BSN: variants seen among roughly 807,000 people sequenced by gnomAD.
BSN encodes the protein protein bassoon.
Under a neutral mutation model 264.8 loss-of-function variants are expected in BSN, and 57 were observed. The ratio of observed to expected loss-of-function variants is 0.22; its 90% CI spans 0.17 to 0.27. BSN has a LOEUF of 0.27. Among genes scored for constraint, BSN ranks in the 10% least tolerant of loss-of-function variants. The probability of loss-of-function intolerance (pLI) is 1.00; values close to 1 mark genes in which losing one functional copy is unlikely to be tolerated. For synonymous variants in BSN, 2,059 were observed against 2,137.3 expected (o/e 0.96, Z 1.01); for missense variants, 4,615 against 5,232.5 (o/e 0.88, Z 3.64).
chr3:49,672,479 CTTT>C (rs371314787), downstream of BSN, among the ~76,000 whole-genome samples: 3 of 143,050 alleles, frequency 2.1e-5, no homozygotes, highest in East Asian at 6.1e-4. Flanking sequence ...AGTTGGGACT[CTTT>C]TTTTTTTTTT....
chr3:49,587,319 C>T (rs180877434), intron 1 of BSN, among the ~76,000 whole-genome samples: 15 of 152,194 alleles, frequency 9.9e-5, no homozygotes, highest in Non-Finnish European at 1.6e-4. Flanking sequence ...GTGGCATCTT[C>T]CAGTTTTTAC....
intron 5 of BSN, 139 bp downstream of exon 5, chr3:49,658,335 A>C (rs2052629075): frequency 9.4e-7 from 1 of 1,069,346 alleles, no homozygotes; most frequent in Admixed American, 3.3e-5. Context: ...GTCAATGAGC[A>C]GATGCTCCCT....
chr3:49,634,627 A>G (rs1325230563), intron 2 of BSN, among the ~76,000 whole-genome samples: 1 of 152,132 alleles, frequency 6.6e-6, no homozygotes, highest in Non-Finnish European at 1.5e-5. Flanking sequence ...CCTGACCTCA[A>G]GTGATCCACA....
At chr3:49,665,101 C>T (rs959003693) in intron 10 of BSN, 128 bp from the exon 11 acceptor site, 2 of 435,576 alleles carry the variant, frequency 4.6e-6, no homozygotes, top group African/African-American at 4.1e-5. Flanking sequence ...AAAGCCAGGG[C>T]CAGTGCCCTG....
rs778631583 is a variant in BSN, at chr3:49,657,069, C to T, written c.7513C>T (p.Leu2505Phe). ...LAQNGQYWPPLTHAAFIAMAG... is the reference protein window; with the variant it reads ...LAQNGQYWPPFTHAAFIAMAG... ...CCAGAATGGCCAGTATTGGCCCCCC[C>T]TTACACATGCAGCCTTCATTGCCAT... Residue 2505 changes from leucine (L) to phenylalanine (F), a missense_variant, in exon 5 of 12, where the codon CTT becomes TTT. Transcript: ENST00000296452. 2.5e-6 allele frequency: 4 copies of T among 1,609,626 alleles called. No homozygotes were observed. The highest frequency in any genetic ancestry group is 3.4e-6 in the Non-Finnish European group (4 of 1,177,318).
At position 49,661,126 on chromosome 3, in the gene BSN, T is replaced by G. The variant is rs776579281; in HGVS notation, c.9281T>G (p.Phe3094Cys). ...PGPSTYPAPA[F>C]PPGASYPAEP... The stretch of plus-strand genomic sequence containing the variant: ...CCCAGCACGTACCCAGCTCCTGCCT[T>G]TCCTCCTGGTGCCAGTTACCCAGCT... Residue 3094 changes from phenylalanine to cysteine, a missense_variant, in exon 6 of 12, where the codon TTT becomes TGT. Phe to Cys is a radical substitution (Grantham distance 205, BLOSUM62 -2). Coordinates refer to ENST00000296452, the MANE Select transcript of BSN (RefSeq NM_003458.4). 1 of 1,612,250 alleles carries G rather than the reference T, an allele frequency of 6.2e-7. No individual in the cohort carries two copies. The highest frequency in any genetic ancestry group is 8.5e-7 in the Non-Finnish European group (1 of 1,179,758).
In BSN at chr3:49,656,539, C is replaced by T; in HGVS notation, c.6983C>T (p.Pro2328Leu). ...AAGGAGGCTGCAGGAGCCCCAGCTC[C>T]TGCCCCACTAGCTGGCCAGAAGCCA... ...AIKEAAGAPA[P>L]APLAGQKPPA... is the part of the protein sequence containing the mutation. The change falls in exon 5 of 12, where the codon CCT (proline) becomes CTT (leucine). Residue 2328 changes from proline to leucine, a missense_variant. Physicochemically the swap from Pro to Leu is moderately conservative, Grantham distance 98. Coordinates refer to ENST00000296452, the MANE Select transcript of BSN (RefSeq NM_003458.4). The T allele has an allele frequency of 6.4e-7, 1 of 1,568,916 alleles. No homozygotes were observed. Among genetic ancestry groups the T allele is most frequent in the South Asian group, 1.2e-5 (1 of 84,948 alleles).
intron 1 of BSN, among the ~76,000 whole-genome samples, chr3:49,593,809 T>G (rs2051999387): frequency 6.8e-6 from 1 of 147,158 alleles, no homozygotes; most frequent in South Asian, 2.1e-4. Flanking sequence ...TTTTTTGTTT[T>G]TTTTTTTTTT....
chr3:49,654,510 T>C lies in BSN; in HGVS notation c.4954T>C (p.Ser1652Pro), dbSNP rs767964940. ...LCRISSVPGT[S>P]RVEPGPRTPG... is the part of the protein sequence containing the mutation. ...CCGGATCTCCTCTGTCCCTGGGACG[T>C]CTAGGGTTGAGCCAGGCCCCAGGAC... Residue 1652 changes from serine (S) to proline (P), a missense_variant, in exon 5 of 12, where the codon TCT becomes CCT. By Grantham distance (74) the Ser-to-Pro change is moderately conservative. Around this residue, in one of 3 missense-constraint regions of BSN, gnomAD observed 3,415 missense variants for 3,866.4 expected, o/e 0.88. Coordinates refer to ENST00000296452, the MANE Select transcript of BSN (RefSeq NM_003458.4). This position sits in a 1 kb window ranked among gnomAD's most constrained non-coding sequence, Gnocchi z 4.1. 1.9e-6 allele frequency: 3 copies of C among 1,611,290 alleles called. No individual in the cohort carries two copies. Among genetic ancestry groups the C allele is most frequent in the African/African-American group, 1.3e-5 (1 of 74,936 alleles).
In BSN at chr3:49,669,710, A is replaced by C. The variant is rs1001048211; in HGVS notation, c.*2225A>C. 3.3e-5 allele frequency: 5 copies of C among 152,276 alleles called. No homozygotes were observed. Among genetic ancestry groups the C allele is most frequent in the African/African-American group, 1.2e-4 (5 of 41,466 alleles). The allele number at this position is 152,276 out of a possible 1,614,324, so 9.4% of individuals were successfully genotyped here. On this transcript the variant is annotated 3_prime_UTR_variant, in exon 12 of 12. Coordinates refer to ENST00000296452, the MANE Select transcript of BSN (RefSeq NM_003458.4). ...GTGGTGAGAACAGTTGACAGTGGTC[A>C]TCTGGAACTGTTCATATAAACAGTG...
In BSN at chr3:49,662,282, G is replaced by A. The variant is rs368823399; in HGVS notation, c.10437G>A (p.Ala3479=). The A allele has an allele frequency of 9.5e-5, 154 of 1,613,934 alleles. No individual in the cohort carries two copies. The Admixed American group carries it at 1.7e-3, about 18-fold the overall frequency. ...AGGCTGTGGAGCGACTTCAAAAAGC[G>A]GGCCCCAAGCCCTCATCCCTAAGTA... ...EREAVERLQK[A]GPKPSSLSMA... Residue 3479 remains alanine, a synonymous_variant, in exon 6 of 12, where the codon GCG becomes GCA. Transcript: ENST00000296452.
chr3:49,554,883 C>T (rs2051652987), intron 1 of BSN, 57 bp downstream of exon 1: 9 of 1,061,254 alleles, frequency 8.5e-6, no homozygotes, highest in African/African-American at 3.3e-5. Flanking sequence ...GGCCGGGACC[C>T]GGGCCCAGGA....
At position 49,625,239 on chromosome 3, in the gene BSN, C is replaced by G. The variant is rs751275935; in HGVS notation, c.489C>G (p.Pro163=). 17 of 1,594,970 alleles carry G rather than the reference C, an allele frequency of 1.1e-5. No homozygotes were observed. Among genetic ancestry groups the G allele is most frequent in the African/African-American group, 1.3e-5 (1 of 74,164 alleles). ...CCTACTCCGTCCCTCAGATCGCCCCCCTTCCCAGCAGCACGCTGTGTCCCA... is the reference window on the plus strand; with the variant it reads ...CCTACTCCGTCCCTCAGATCGCCCCGCTTCCCAGCAGCACGCTGTGTCCCA... ...TSPYSVPQIA[P]LPSSTLCPIC... is the part of the protein sequence containing the mutation. Residue 163 remains proline (P), a synonymous_variant, in exon 2 of 12, where the codon CCC becomes CCG. Transcript: ENST00000296452. This position sits in a 1 kb window ranked among gnomAD's most constrained non-coding sequence, Gnocchi z 4.4.
chr3:49,653,275 C>T lies in BSN; in HGVS notation c.3719C>T (p.Ala1240Val). 6.2e-7 allele frequency: 1 copy of T among 1,611,778 alleles called. No individual in the cohort carries two copies. The highest frequency in any genetic ancestry group is 8.5e-7 in the Non-Finnish European group (1 of 1,179,752). Residue 1240 changes from alanine to valine, a missense_variant, in exon 5 of 12, where the codon GCT (alanine) becomes GTT (valine). Physicochemically the swap from Ala to Val is moderately conservative, Grantham distance 64. Around this residue, in one of 3 missense-constraint regions of BSN, gnomAD observed 3,415 missense variants for 3,866.4 expected, o/e 0.88. Coordinates refer to ENST00000296452, the MANE Select transcript of BSN (RefSeq NM_003458.4). The surrounding 1 kb of genome is among the most constrained non-coding windows in gnomAD (Gnocchi z 6.3). ...QDTTDREYGQ[A>V]AQPAAEGTPA... is the part of the protein sequence containing the mutation. ...ACTACAGACCGTGAGTATGGCCAGG[C>T]TGCTCAGCCTGCCGCAGAGGGCACG...
At position 49,657,606 on chromosome 3, in the gene BSN, G is replaced by A; in HGVS notation, c.8050G>A (p.Val2684Ile). ...VQTEPDQLPR[V>I]SPAIHITAAT... ...GACGGAGCCTGACCAGCTGCCCAGG[G>A]TCTCTCCAGCCATCCACATCACAGC... Residue 2684 changes from valine to isoleucine, a missense_variant, in exon 5 of 12, where the codon GTC becomes ATC. Val to Ile is a conservative substitution (Grantham distance 29). Around this residue, in one of 3 missense-constraint regions of BSN, gnomAD observed 3,415 missense variants for 3,866.4 expected, o/e 0.88. Transcript: ENST00000296452. The A allele has an allele frequency of 6.2e-7, 1 of 1,609,548 alleles. No homozygotes were observed. Among genetic ancestry groups the A allele is most frequent in the Non-Finnish European group, 8.5e-7 (1 of 1,177,430 alleles).
chr3:49,568,896 A>G (rs945518225), intron 1 of BSN, among the ~76,000 whole-genome samples: 1 of 152,228 alleles, frequency 6.6e-6, no homozygotes, highest in African/African-American at 2.4e-5. Context: ...AGGCAGAAGC[A>G]ATAATATTCA....
chr3:49,634,981 T>A (rs1487789825), intron 2 of BSN, among the ~76,000 whole-genome samples: 3 of 152,082 alleles, frequency 2.0e-5, no homozygotes, highest in Non-Finnish European at 4.4e-5. Flanking sequence ...CAGAGGGGGC[T>A]GAGGCTGAGG....
intron 1 of BSN, among the ~76,000 whole-genome samples, chr3:49,602,796 T>G (rs933710747): frequency 1.3e-5 from 2 of 152,170 alleles, no homozygotes; most frequent in East Asian, 1.9e-4. Flanking sequence ...AGTGCTGTTA[T>G]GAGGATGATT....
chr3:49,557,718 C>T (rs1430094496), intron 1 of BSN, among the ~76,000 whole-genome samples: 1 of 151,960 alleles, frequency 6.6e-6, no homozygotes, highest in Admixed American at 6.6e-5. Flanking sequence ...GCTGGGACTG[C>T]AGGCGCCCAC....
Sources: allele counts gnomAD v4.1 joint callset (sites outside exome capture counted in the v4.1 genomes callset), GRCh38; gene constraint gnomAD v4.1.1; regional missense constraint gnomAD v4.1.1; non-coding constraint Gnocchi (gnomAD v3.1); transcripts MANE v1.5; gene names NCBI Gene and HGNC (gene_info 2026-07-23, HGNC 2026-07-21).